The following PTPRN2 variants were observed in gnomAD, a reference collection of about 807,000 sequenced individuals.
The protein encoded by PTPRN2 is receptor-type tyrosine-protein phosphatase N2.
In PTPRN2, 74 loss-of-function variants were observed where a neutral mutation model predicts 118.8. That is an observed-to-expected ratio of 0.62 (90% CI 0.52 to 0.76). The LOEUF (loss-of-function observed/expected upper bound fraction) is 0.76, where lower values mean the gene tolerates loss of function less well. Ranked by LOEUF, PTPRN2 falls within the 30% of genes least tolerant of loss-of-function variation. The pLI is 0.00. For synonymous variants in PTPRN2, 641 were observed against 608.0 expected, an observed-to-expected ratio of 1.05 and a Z score of -0.80; for missense variants, 1,481 against 1,394.4, an observed-to-expected ratio of 1.06 and a Z score of -0.99.
At chr7:158,201,333 A>C (rs571689546) in intron 4 of PTPRN2, among the ~76,000 whole-genome samples, 68 of 152,350 alleles carry the variant, frequency 4.5e-4, no homozygotes, top group Non-Finnish European at 8.4e-4. Flanking sequence ...AGGTCTGGGA[A>C]GTCATACCCC....
chr7:157,921,083 T>C (rs2128769680), intron 11 of PTPRN2, among the ~76,000 whole-genome samples: 1 of 152,334 alleles, frequency 6.6e-6, no homozygotes, highest in East Asian at 1.9e-4. Context: ...AACCATGATG[T>C]CCTTCAGTAG....
chr7:157,855,880 C>G (rs952319099), intron 12 of PTPRN2: 1 of 152,254 alleles, frequency 6.6e-6, no homozygotes, highest in Non-Finnish European at 1.5e-5. Flanking sequence ...CCCAACTGCA[C>G]GGCACCATCA....
intron 2 of PTPRN2, among the ~76,000 whole-genome samples, chr7:158,459,036 C>T (rs1023092267): frequency 1.3e-5 from 2 of 152,164 alleles, no homozygotes; most frequent in African/African-American, 2.4e-5. Flanking sequence ...CAGGGTGCCG[C>T]GGCCATCACA....
At chr7:158,212,167 C>A (rs746112654) in intron 3 of PTPRN2, among the ~76,000 whole-genome samples, 6 of 151,686 alleles carry the variant, frequency 4.0e-5, no homozygotes, top group Non-Finnish European at 8.8e-5. Context: ...AAACTTAAAA[C>A]AACTGAACTT....
rs575205314 is a variant in PTPRN2 at position 158,310,065 on chromosome 7, G to A, written c.277+6754C>T. On this transcript the variant is annotated intron_variant, in intron 3 of 22. Coordinates refer to ENST00000389418, the MANE Select transcript of PTPRN2 (RefSeq NM_002847.5). ...TATGGGGGAGCCTCCAGAGCTCTGA[G>A]AAATCAATGTTTGCTGTTTCAGCCA... 2.1e-3 allele frequency among the ~76,000 whole-genome samples: 320 copies of A among 152,348 alleles called. 3 individuals are homozygous for A. Among genetic ancestry groups the A allele is most frequent in the African/African-American group, 7.5e-3 (311 of 41,586 alleles).
intron 16 of PTPRN2, among the ~76,000 whole-genome samples, chr7:157,597,865 C>G (rs577614622): frequency 6.6e-6 from 1 of 152,346 alleles, no homozygotes; most frequent in East Asian, 1.9e-4. Flanking sequence ...CGAGTGGTGA[C>G]ATGTGTCATC....
At chr7:157,746,131 G>C (rs796275089) in intron 12 of PTPRN2, among the ~76,000 whole-genome samples, 31 of 148,508 alleles carry the variant, frequency 2.1e-4, no homozygotes, top group African/African-American at 7.8e-4. Flanking sequence ...TGGAGATCAT[G>C]GGCCTCCCTA....
intron 1 of PTPRN2, among the ~76,000 whole-genome samples, chr7:158,500,638 A>G (rs1344456867): frequency 6.6e-6 from 1 of 152,228 alleles, no homozygotes; most frequent in Non-Finnish European, 1.5e-5. Context: ...CCCAGGAAGG[A>G]TCCTGCAGAC....
chr7:157,708,551 C>T (rs1293261357), intron 12 of PTPRN2, among the ~76,000 whole-genome samples: 2 of 152,104 alleles, frequency 1.3e-5, no homozygotes, highest in African/African-American at 4.8e-5. Context: ...TCCCAGGGCT[C>T]TCGGTGAGAC....
chr7:157,823,376 A>C (rs968808658), intron 12 of PTPRN2, among the ~76,000 whole-genome samples: 13 of 152,242 alleles, frequency 8.5e-5, no homozygotes, highest in African/African-American at 2.9e-4. Flanking sequence ...CTCAGGGTAT[A>C]GGCAAAAAAT....
chr7:157,715,575 C>T (rs1798860539), intron 12 of PTPRN2, among the ~76,000 whole-genome samples: 1 of 152,218 alleles, frequency 6.6e-6, no homozygotes. Context: ...AGGCACTGCG[C>T]TGGTGTAAGC....
intron 3 of PTPRN2, among the ~76,000 whole-genome samples, chr7:158,280,493 G>A (rs189416797): frequency 1.1e-4 from 17 of 152,308 alleles, no homozygotes; most frequent in Middle Eastern, 3.4e-3. Flanking sequence ...ATCCTTCTGC[G>A]TTTAATTGGT....
chr7:158,070,977 G>T (rs1389444600), intron 11 of PTPRN2, among the ~76,000 whole-genome samples: 2 of 127,114 alleles, frequency 1.6e-5, no homozygotes, highest in Admixed American at 7.4e-5. Flanking sequence ...CACGGTGGAG[G>T]TGCCCGTGGT....
chr7:158,261,644 C>G (rs1328509088), intron 3 of PTPRN2, among the ~76,000 whole-genome samples: 1 of 152,120 alleles, frequency 6.6e-6, no homozygotes, highest in Non-Finnish European at 1.5e-5. Flanking sequence ...GAGGATAAAA[C>G]AGCAGGGTGC....
chr7:158,233,776 C>T (rs113769513), intron 3 of PTPRN2, among the ~76,000 whole-genome samples: 17,376 of 152,152 alleles, frequency 0.11, 1,265 homozygotes, highest in Non-Finnish European at 0.16. Context: ...AACAGACACA[C>T]AGACCAATGG....
chr7:158,311,798 T>G (rs564853202), intron 3 of PTPRN2, among the ~76,000 whole-genome samples: 1 of 152,330 alleles, frequency 6.6e-6, no homozygotes, highest in East Asian at 1.9e-4. Flanking sequence ...AACCTGCATA[T>G]GAACATGCTC....
intron 14 of PTPRN2, among the ~76,000 whole-genome samples, chr7:157,644,624 C>T (rs774786510): frequency 7.2e-5 from 11 of 152,154 alleles, no homozygotes; most frequent in Non-Finnish European, 1.2e-4. Flanking sequence ...GGAGAAACCC[C>T]GACTCTACTA....
At chr7:158,037,909 G>A (rs1306578847) in intron 11 of PTPRN2, among the ~76,000 whole-genome samples, 2 of 152,228 alleles carry the variant, frequency 1.3e-5, no homozygotes, top group Non-Finnish European at 2.9e-5. Flanking sequence ...ACCACAGCAG[G>A]TGAGTATCAC....
At chr7:158,384,964 C>G (rs570717780) in intron 2 of PTPRN2, among the ~76,000 whole-genome samples, 1 of 152,130 alleles carries the variant, frequency 6.6e-6, no homozygotes, top group South Asian at 2.1e-4. Flanking sequence ...AATCACCTGC[C>G]CGCCCCCACA....
Sources: gnomAD v4.1 joint callset for allele counts (sites outside exome capture counted in the v4.1 genomes callset) on GRCh38, gnomAD v4.1.1 for gene constraint, MANE v1.5 for transcripts, NCBI Gene and HGNC (gene_info 2026-07-23, HGNC 2026-07-21) for gene names.